ACAN: variants seen among roughly 807,000 people sequenced by gnomAD.
ACAN encodes aggrecan.
In ACAN, 47 loss-of-function variants were observed where a neutral mutation model predicts 169.1. That is an observed-to-expected ratio of 0.28 (90% CI 0.22 to 0.35). The LOEUF (loss-of-function observed/expected upper bound fraction) is 0.35. Ranked by LOEUF, ACAN falls within the 10% of genes least tolerant of loss-of-function variation. The pLI, the probability that ACAN is intolerant of heterozygous loss-of-function variation, is 1.00. For synonymous variants in ACAN, 1,115 were observed against 1,112.2 expected (o/e 1.00, Z -0.05); for missense variants, 2,716 against 2,759.9 (o/e 0.98, Z 0.36).
chr15:88,862,141 T>C (rs895312244), intron 13 of ACAN, among the ~76,000 whole-genome samples: 20 of 152,188 alleles, frequency 1.3e-4, no homozygotes, highest in African/African-American at 4.8e-4. Flanking sequence ...AAACTGAAGC[T>C]GGACTTCAGG....
chr15:88,871,174 G>A lies in ACAN; in HGVS notation c.7061-208G>A, dbSNP rs1043505961. ...GCATCAGGGAAGGAAAGGGCCCCTG[G>A]CATTTTCCCGAGTGGAAGCATGTGC... On this transcript the variant is annotated intron_variant, in intron 14 of 18. Coordinates refer to ENST00000560601, the MANE Select transcript of ACAN (RefSeq NM_001369268.1). The surrounding 1 kb of genome is among the most constrained non-coding windows in gnomAD (Gnocchi z 7.8). 2.6e-5 allele frequency among the ~76,000 whole-genome samples: 4 copies of A among 152,136 alleles called. No individual in the cohort carries two copies. The East Asian group carries it at 7.7e-4, about 29-fold the overall frequency.
chr15:88,847,539 A>T, intron 8 of ACAN, 122 bp downstream of exon 8: 1 of 1,204,068 alleles, frequency 8.3e-7, no homozygotes, highest in Non-Finnish European at 1.1e-6. Context: ...TGAATGAATT[A>T]GTGACTCAAC....
intron 11 of ACAN, among the ~76,000 whole-genome samples, chr15:88,852,602 T>A (rs1002962979): frequency 1.3e-5 from 2 of 152,176 alleles, no homozygotes; most frequent in African/African-American, 4.8e-5. Flanking sequence ...GATAAAGTGT[T>A]TGGTGGCCAC....
Position 88,851,445 on chromosome 15 carries a change from C to T in ACAN, c.2027-349C>T, listed in dbSNP as rs1896927922. On this transcript the variant is annotated intron_variant, in intron 10 of 18. Transcript: ENST00000560601. This position sits in a 1 kb window ranked among gnomAD's most constrained non-coding sequence, Gnocchi z 4.3. ...TCTGGGCAAATCATGTAACTCTGTG[C>T]CTCAGTTTCCCCATCTGTAAAATGA... 4.8e-6 allele frequency: 1 copy of T among 208,162 alleles called. No homozygotes were observed. The highest frequency in any genetic ancestry group is 9.6e-6 in the Non-Finnish European group (1 of 104,460). 12.9% of individuals were successfully genotyped at this position (208,162 alleles called of 1,614,324 possible). A position where few individuals can be genotyped will look rare whatever the true frequency, so the allele number is the denominator to read the frequency against.
Position 88,839,880 on chromosome 15 carries a change from G to T in ACAN, c.455-132G>T. 1 of 1,038,630 alleles carries T rather than the reference G, an allele frequency of 9.6e-7. No individual in the cohort carries two copies. Among genetic ancestry groups the T allele is most frequent in the Non-Finnish European group, 1.4e-6 (1 of 713,500 alleles). 64.3% of individuals were successfully genotyped at this position (1,038,630 alleles called of 1,614,324 possible). A position where few individuals can be genotyped will look rare whatever the true frequency, so the allele number is the denominator to read the frequency against. On this transcript the variant is annotated intron_variant, in intron 3 of 18. Transcript: ENST00000560601. This position sits in a 1 kb window ranked among gnomAD's most constrained non-coding sequence, Gnocchi z 4.5. ...GATCACGTGCAAAGGTGTACAGGGA[G>T]TCATGCATCAGCCCAGACCAGCCAG... is the stretch of plus-strand genomic sequence containing the variant.
chr15:88,830,249 T>C (rs1896326149), intron 1 of ACAN, among the ~76,000 whole-genome samples: 1 of 152,194 alleles, frequency 6.6e-6, no homozygotes. Context: ...GAATGGAGAA[T>C]GAGGCTTCAT....
chr15:88,808,900 A>G (rs1224848370), intron 1 of ACAN, among the ~76,000 whole-genome samples: 1 of 152,126 alleles, frequency 6.6e-6, no homozygotes, highest in Non-Finnish European at 1.5e-5. Flanking sequence ...GAAAAGGAAA[A>G]GAAAAGTCCG....
At chr15:88,818,360 C>T (rs1202236478) in intron 1 of ACAN, among the ~76,000 whole-genome samples, 2 of 152,228 alleles carry the variant, frequency 1.3e-5, no homozygotes, top group African/African-American at 4.8e-5. Context: ...ATTTGAGGTT[C>T]AGCTGCAATG....
intron 12 of ACAN, 101 bp downstream of exon 12, chr15:88,859,518 A>G (rs1381185222): frequency 2.0e-6 from 3 of 1,490,574 alleles, no homozygotes; most frequent in Non-Finnish European, 2.7e-6. Context: ...TCCAAGAACA[A>G]CTCCACCAAA....
At chr15:88,841,993 C>G in intron 5 of ACAN, 126 bp downstream of exon 5, 1 of 1,310,680 alleles carries the variant, frequency 7.6e-7, no homozygotes, top group Non-Finnish European at 1.1e-6. Flanking sequence ...ACTCTGTCCT[C>G]CTCTGCCATG....
At position 88,836,334 on chromosome 15, in the gene ACAN, G is replaced by A. The variant is rs1046495964; in HGVS notation, c.70+58G>A. 3.5e-6 allele frequency: 5 copies of A among 1,417,598 alleles called. No homozygotes were observed. The Admixed American group carries it at 7.1e-5, about 20-fold the overall frequency. The allele number at this position is 1,417,598 out of a possible 1,614,324, so 87.8% of individuals were successfully genotyped here. A position where few individuals can be genotyped will look rare whatever the true frequency, so the allele number is the denominator to read the frequency against. ...CAGTAGGCATGAGTAGTGGGTTTGA[G>A]TACTGGGTACTGAACCTGGTGCTAC... On this transcript the variant is annotated intron_variant, in intron 2 of 18. Transcript: ENST00000560601.
rs1256860205 is a variant in ACAN, at chr15:88,843,667, T to G, written c.1051+19T>G. On this transcript the variant is annotated intron_variant, in intron 6 of 18. Transcript: ENST00000560601. This position sits in a 1 kb window ranked among gnomAD's most constrained non-coding sequence, Gnocchi z 4.0. ...TACACAGGTGGGGCACGGCTGGTGG[T>G]GGGAAGGGAGTTCATGCCACTAAAA... 4 of 1,546,858 alleles carry G rather than the reference T, an allele frequency of 2.6e-6. No individual in the cohort carries two copies. Among genetic ancestry groups the G allele is most frequent in the Non-Finnish European group, 2.6e-6 (3 of 1,139,618 alleles).
chr15:88,826,374 CTTTTTTTT>C (rs59069149), intron 1 of ACAN, among the ~76,000 whole-genome samples: 3 of 111,588 alleles, frequency 2.7e-5, no homozygotes, highest in African/African-American at 1.1e-4. Flanking sequence ...CCTTTTTTTT[CTTTTTTTT>C]TTTTTTTTTT....
chr15:88,805,886 C>T (rs1051868470), intron 1 of ACAN, among the ~76,000 whole-genome samples: 2 of 152,204 alleles, frequency 1.3e-5, no homozygotes, highest in African/African-American at 2.4e-5. Flanking sequence ...CACCCACACG[C>T]CCAATCCCAG....
At chr15:88,859,975 T>C (rs2141615041) in intron 12 of ACAN, among the ~76,000 whole-genome samples, 1 of 151,792 alleles carries the variant, frequency 6.6e-6, no homozygotes, top group Admixed American at 6.6e-5. Context: ...CCCAACCCCA[T>C]CCGTGTACAA....
chr15:88,846,541 G>C (rs957777563), intron 7 of ACAN, among the ~76,000 whole-genome samples: 1 of 152,224 alleles, frequency 6.6e-6, no homozygotes, highest in Non-Finnish European at 1.5e-5. Context: ...GACAATCACA[G>C]CGAGGTTGAA....
rs543717587 is a variant in ACAN, at chr15:88,807,658, G to A, written c.-8+3849G>A. ...GAATTTGTAGAGAAAACGGTAAAACGGTTTCTTTTTTCAAAAGTTGAATCC... is the reference window on the plus strand; with the variant it reads ...GAATTTGTAGAGAAAACGGTAAAACAGTTTCTTTTTTCAAAAGTTGAATCC... On this transcript the variant is annotated intron_variant, in intron 1 of 18. Coordinates refer to ENST00000560601, the MANE Select transcript of ACAN (RefSeq NM_001369268.1). The surrounding 1 kb of genome is among the most constrained non-coding windows in gnomAD (Gnocchi z 4.0). 8.5e-5 allele frequency among the ~76,000 whole-genome samples: 13 copies of A among 152,094 alleles called. No individual in the cohort carries two copies. The highest frequency in any genetic ancestry group is 2.9e-4 in the African/African-American group (12 of 41,480).
intron 1 of ACAN, among the ~76,000 whole-genome samples, chr15:88,826,473 C>A (rs1354863105): frequency 5.0e-5 from 3 of 59,812 alleles, no homozygotes; most frequent in Non-Finnish European, 9.4e-5. Context: ...TTGCAGGGGA[C>A]CCCTGGAGAC....
At chr15:88,845,162 G>A (rs926765044) in intron 6 of ACAN, among the ~76,000 whole-genome samples, 1 of 152,240 alleles carries the variant, frequency 6.6e-6, no homozygotes, top group Non-Finnish European at 1.5e-5. Context: ...AGCATCAGAT[G>A]GTTGGTAAGG....
Sources: gnomAD v4.1 joint callset for allele counts (sites outside exome capture counted in the v4.1 genomes callset) on GRCh38, gnomAD v4.1.1 for gene constraint, Gnocchi (gnomAD v3.1) non-coding constraint, MANE v1.5 for transcripts, NCBI Gene and HGNC (gene_info 2026-07-23, HGNC 2026-07-21) for gene names.